Variants in ZNF335 observed in about 807,000 individuals in gnomAD.
ZNF335 encodes the protein zinc finger protein 335, also known as NRC-interacting factor 1.
Under a neutral mutation model 145.6 loss-of-function variants are expected in ZNF335, and 84 were observed. The ratio of observed to expected loss-of-function variants is 0.58; its 90% CI spans 0.48 to 0.69. The LOEUF (loss-of-function observed/expected upper bound fraction) is 0.69, where lower values mean the gene tolerates loss of function less well. Among genes scored for constraint, ZNF335 ranks in the 30% least tolerant of loss-of-function variants. ZNF335 has a pLI of 0.00. For missense variants in ZNF335, 1,865 were observed against 1,809.7 expected (o/e 1.03, Z -0.55); for synonymous variants, 761 against 717.0 (o/e 1.06, Z -0.98).
chr20:45,957,738 C>A, intron 16 of ZNF335, 58 bp from the exon 17 acceptor site: 1 of 1,604,524 alleles, frequency 6.2e-7, no homozygotes, highest in East Asian at 2.2e-5. Flanking sequence ...CCCAATACCA[C>A]CCCCTCCCCA....
chr20:45,965,666 C>T lies in ZNF335; in HGVS notation c.1064G>A (p.Arg355Gln), dbSNP rs748388616. Residue 355 changes from arginine (R) to glutamine (Q), a missense_variant, in exon 7 of 28, where the codon CGG (arginine) becomes CAG (glutamine). Arg to Gln is a conservative substitution (Grantham distance 43). Coordinates refer to ENST00000322927, the MANE Select transcript of ZNF335 (RefSeq NM_022095.4). ...PRPRRRPGRP[R>Q]KLPRLEISDL... ...TGAGATCTCCAGGCGGGGCAGCTTCCGGGGCCGGCCAGGTCTCCTTCGGGG... is the reference window on the plus strand; with the variant it reads ...TGAGATCTCCAGGCGGGGCAGCTTCTGGGGCCGGCCAGGTCTCCTTCGGGG... 7 of 1,598,524 alleles carry T rather than the reference C, an allele frequency of 4.4e-6. No individual in the cohort carries two copies. Among genetic ancestry groups the T allele is most frequent in the Admixed American group, 1.7e-5 (1 of 57,264 alleles).
chr20:45,948,728 T>G lies in ZNF335; in HGVS notation c.*225A>C, dbSNP rs2083570754. ...GTGGGTCCACCCAAACAAAAATAAA[T>G]TTCTCTCCCAAAGCCTGCCTGCAGG... On this transcript the variant is annotated 3_prime_UTR_variant, in exon 28 of 28. Transcript: ENST00000322927. The G allele has an allele frequency of 1.7e-6, 1 of 590,446 alleles. No individual in the cohort carries two copies. Among genetic ancestry groups the G allele is most frequent in the Non-Finnish European group, 2.9e-6 (1 of 339,650 alleles). 36.6% of individuals were successfully genotyped at this position (590,446 alleles called of 1,614,324 possible).
intron 11 of ZNF335, 30 bp from the exon 12 acceptor site, chr20:45,960,762 A>C (rs2083828127): frequency 1.9e-6 from 3 of 1,612,548 alleles, no homozygotes; most frequent in Non-Finnish European, 2.5e-6. Flanking sequence ...GGCCAGATGG[A>C]GAAAGAAGTG....
chr20:45,960,511 A>T lies in ZNF335; in HGVS notation c.1797T>A (p.Phe599Leu). 6.2e-7 allele frequency: 1 copy of T among 1,614,120 alleles called. No homozygotes were observed. The highest frequency in any genetic ancestry group is 8.5e-7 in the Non-Finnish European group (1 of 1,180,006). The change falls in exon 13 of 28, where the codon TTT becomes TTA. Residue 599 changes from phenylalanine (F) to leucine (L), a missense_variant. Transcript: ENST00000322927. ...PHMCDKCGKS[F>L]KKRYTFKMHL... ...GCATTTTGAAGGTGTAGCGCTTCTTAAAGGACTTTCCACACTGTGAGGGGT... is the reference window on the plus strand; with the variant it reads ...GCATTTTGAAGGTGTAGCGCTTCTTTAAGGACTTTCCACACTGTGAGGGGT...
At chr20:45,954,309 A>G (rs1382762701) in intron 17 of ZNF335, among the ~76,000 whole-genome samples, 2 of 152,176 alleles carry the variant, frequency 1.3e-5, no homozygotes, top group East Asian at 1.9e-4. Context: ...CCCACCACAC[A>G]ATAGTATCTG....
In ZNF335 at chr20:45,960,374, G is replaced by C; in HGVS notation, c.1860-6C>G. On this transcript the variant is annotated splice_region_variant and splice_polypyrimidine_tract_variant and intron_variant, in intron 13 of 27. Transcript: ENST00000322927. ...CACAGAACTCACACTTGAACCTGGA[G>C]GCGGTTAGAGGGAGGGAAGCTCAGT... The C allele has an allele frequency of 1.2e-6, 2 of 1,614,256 alleles. No individual in the cohort carries two copies. The highest frequency in any genetic ancestry group is 1.7e-6 in the Non-Finnish European group (2 of 1,180,032).
At chr20:45,958,239 G>A (rs922855403) in intron 15 of ZNF335, among the ~76,000 whole-genome samples, 1 of 152,054 alleles carries the variant, frequency 6.6e-6, no homozygotes, top group Non-Finnish European at 1.5e-5. Context: ...GTAGAGATGG[G>A]GTTTCTCCAT....
At chr20:45,960,547 G>C in intron 12 of ZNF335, 22 bp from the exon 13 acceptor site, 1 of 1,614,046 alleles carries the variant, frequency 6.2e-7, no homozygotes, top group Non-Finnish European at 8.5e-7. Flanking sequence ...GGAGAGCAGT[G>C]AGATGGCGAT....
At chr20:45,971,626 G>A in intron 1 of ZNF335, 166 bp from the exon 2 acceptor site, 1 of 985,486 alleles carries the variant, frequency 1.0e-6, no homozygotes. Context: ...GGAAAAACTT[G>A]ACGGAGAAGC....
Position 45,971,235 on chromosome 20 carries a change from C to T in ZNF335, c.176G>A (p.Ser59Asn). 2 of 1,548,960 alleles carry T rather than the reference C, an allele frequency of 1.3e-6. No individual in the cohort carries two copies. Among genetic ancestry groups the T allele is most frequent in the Non-Finnish European group, 1.7e-6 (2 of 1,150,614 alleles). The change falls in exon 2 of 28, where the codon AGC (serine) becomes AAC (asparagine). Residue 59 changes from serine to asparagine, a missense_variant. Ser to Asn is a conservative substitution (Grantham distance 46, BLOSUM62 1). Coordinates refer to ENST00000322927, the MANE Select transcript of ZNF335 (RefSeq NM_022095.4). ...AEADDSGVGQ[S>N]SDRGSRSQEE... ...CTGAGAACGGCTGCCGCGGTCCGAG[C>T]TTTGCCCCACGCCAGAGTCATCGGC...
chr20:45,969,349 A>G, intron 3 of ZNF335, 102 bp downstream of exon 3: 1 of 1,351,924 alleles, frequency 7.4e-7, no homozygotes, highest in Non-Finnish European at 9.6e-7. Context: ...TGCACATTCC[A>G]CATGGGAAAG....
chr20:45,971,389 T>G lies in ZNF335; in HGVS notation c.22A>C (p.Ser8Arg), dbSNP rs755262633. 3 of 1,600,562 alleles carry G rather than the reference T, an allele frequency of 1.9e-6. No homozygotes were observed. Among genetic ancestry groups the G allele is most frequent in the Non-Finnish European group, 1.7e-6 (2 of 1,179,742 alleles). ...GGCCCAGGGGCCGCGTCGCTGCTGCTCTCCACCTCGTTCTCCTCCATCTGA... is the reference window on the plus strand; with the variant it reads ...GGCCCAGGGGCCGCGTCGCTGCTGCGCTCCACCTCGTTCTCCTCCATCTGA... MEENEVESSSDAAPGPGR... is the reference protein window; with the variant it reads MEENEVERSSDAAPGPGR... The change falls in exon 2 of 28, where the codon AGC becomes CGC. Residue 8 changes from serine to arginine, a missense_variant. Physicochemically the swap from Ser to Arg is moderately radical, Grantham distance 110 (BLOSUM62 -1). Transcript: ENST00000322927.
Position 45,949,855 on chromosome 20 carries a change from T to C in ZNF335, c.3614A>G (p.Glu1205Gly). Residue 1205 changes from glutamate to glycine, a missense_variant, in exon 24 of 28, where the codon GAG (glutamate) becomes GGG (glycine). By Grantham distance (98) the Glu-to-Gly change is moderately conservative. Coordinates refer to ENST00000322927, the MANE Select transcript of ZNF335 (RefSeq NM_022095.4). Reference protein sequence around the residue: ...TNQEEAAYIQEITTADGQTVQ... With the variant: ...TNQEEAAYIQGITTADGQTVQ... ...GGTCTGGCCATCTGCCGTGGTGATC[T>C]CTTGGATGTAGGCGGCTTCCTCCTG... is the stretch of plus-strand genomic sequence containing the variant. 6.2e-7 allele frequency: 1 copy of C among 1,614,120 alleles called. No individual in the cohort carries two copies. Among genetic ancestry groups the C allele is most frequent in the Non-Finnish European group, 8.5e-7 (1 of 1,180,006 alleles).
rs1047136286 is a variant in ZNF335, at chr20:45,950,226, G to C, written c.3480C>G (p.Thr1160=). ...ILNSDDETLA[T]LHTALQSSHG... ...GCCCCAGGGGCAGCTCACTGTGCAG[G>C]GTGGCCAGTGTTTCGTCATCACTGT... Residue 1160 remains threonine (T), a synonymous_variant, in exon 22 of 28, where the codon ACC becomes ACG. Coordinates refer to ENST00000322927, the MANE Select transcript of ZNF335 (RefSeq NM_022095.4). The C allele has an allele frequency of 1.0e-5, 16 of 1,548,850 alleles. No individual in the cohort carries two copies. Among genetic ancestry groups the C allele is most frequent in the Non-Finnish European group, 1.3e-5 (15 of 1,147,394 alleles).
In ZNF335 at chr20:45,953,869, G is replaced by A. The variant is rs1160087900; in HGVS notation, c.2522C>T (p.Pro841Leu). 1 of 1,613,784 alleles carries A rather than the reference G, an allele frequency of 6.2e-7. No homozygotes were observed. Among genetic ancestry groups the A allele is most frequent in the African/African-American group, 1.3e-5 (1 of 74,928 alleles). ...GGQPSPEGAT[P>L]QVVTLHVAEP... is the part of the protein sequence containing the mutation. ...TGCCACGTGGAGGGTGACCACCTGTGGAGTGGCACCTTCAGGGGAGGGCTG... is the reference window on the plus strand; with the variant it reads ...TGCCACGTGGAGGGTGACCACCTGTAGAGTGGCACCTTCAGGGGAGGGCTG... The change falls in exon 18 of 28, where the codon CCA becomes CTA. Residue 841 changes from proline (P) to leucine (L), a missense_variant. By Grantham distance (98) the Pro-to-Leu change is moderately conservative (BLOSUM62 -3). Coordinates refer to ENST00000322927, the MANE Select transcript of ZNF335 (RefSeq NM_022095.4).
intron 17 of ZNF335, among the ~76,000 whole-genome samples, chr20:45,956,523 A>T (rs1008908575): frequency 6.6e-6 from 1 of 152,162 alleles, no homozygotes; most frequent in African/African-American, 2.4e-5. Flanking sequence ...CCACCACGCC[A>T]GGCCCATTTT....
intron 17 of ZNF335, among the ~76,000 whole-genome samples, chr20:45,956,834 T>C (rs1223430611): frequency 3.3e-5 from 5 of 152,140 alleles, no homozygotes; most frequent in Admixed American, 1.3e-4. Context: ...ATGAATGTTT[T>C]ATAACCTTGG....
In ZNF335 at chr20:45,963,629, T is replaced by C; in HGVS notation, c.1377A>G (p.Lys459=). The change falls in exon 9 of 28, where the codon AAA becomes AAG. Residue 459 remains lysine (K), a synonymous_variant. Transcript: ENST00000322927. ...KYRKYYYKSP[K]PLLRPFLCRI... ...GGCACAGGAAGGGCCTCAAAAGTGG[T>C]TTGGGCGACTTGTAATAGTACCTGC... 2 of 1,614,084 alleles carry C rather than the reference T, an allele frequency of 1.2e-6. No homozygotes were observed. Among genetic ancestry groups the C allele is most frequent in the Non-Finnish European group, 1.7e-6 (2 of 1,180,014 alleles).
chr20:45,954,759 T>C (rs2083695319), intron 17 of ZNF335, among the ~76,000 whole-genome samples: 2 of 146,660 alleles, frequency 1.4e-5, no homozygotes, highest in Non-Finnish European at 3.0e-5. Context: ...TCATTTACGG[T>C]CATACAATTA....
Sources: gnomAD v4.1 joint callset for allele counts (sites outside exome capture counted in the v4.1 genomes callset) on GRCh38, gnomAD v4.1.1 for gene constraint, MANE v1.5 for transcripts, NCBI Gene and HGNC (gene_info 2026-07-23, HGNC 2026-07-21) for gene names.